CTIF: variants seen among roughly 807,000 people sequenced by gnomAD.
CTIF encodes CBP80/20-dependent translation initiation factor.
A neutral mutation model predicts 66.0 loss-of-function variants in CTIF; 21 were observed. The observed-to-expected ratio is 0.32, with a 90% CI of 0.23 to 0.46. CTIF has a LOEUF of 0.46. Among genes scored for constraint, CTIF ranks in the 20% least tolerant of loss-of-function variants. The probability of loss-of-function intolerance (pLI) is 1.00; values close to 1 mark genes in which losing one functional copy is unlikely to be tolerated. For missense variants in CTIF, 739 were observed against 812.7 expected, an observed-to-expected ratio of 0.91 and a Z score of 1.10; for synonymous variants, 345 against 326.4, an observed-to-expected ratio of 1.06 and a Z score of -0.62.
intron 10 of CTIF, chr18:48,834,711 G>C (rs1455933086): frequency 2.0e-5 from 3 of 152,688 alleles, no homozygotes; most frequent in Non-Finnish European, 4.4e-5. Context: ...ATGAGCCCAG[G>C]GAAAGGCTTC....
At chr18:48,840,622 C>G (rs1399597747) in intron 10 of CTIF, among the ~76,000 whole-genome samples, 1 of 152,244 alleles carries the variant, frequency 6.6e-6, no homozygotes, top group Non-Finnish European at 1.5e-5. Context: ...GCCCTTTTCT[C>G]AGCCCAGGCC....
intron 7 of CTIF, among the ~76,000 whole-genome samples, chr18:48,741,197 G>C (rs185469210): frequency 1.6e-4 from 25 of 152,094 alleles, no homozygotes; most frequent in Admixed American, 1.6e-3. Context: ...CTCTAAGCCA[G>C]TGTCACACAG....
In CTIF at chr18:48,664,470, C is replaced by A. The variant is rs1377639875; in HGVS notation, c.350C>A (p.Pro117Gln). The A allele has an allele frequency of 6.2e-7, 1 of 1,613,630 alleles. No homozygotes were observed. Among genetic ancestry groups the A allele is most frequent in the African/African-American group, 1.3e-5 (1 of 74,930 alleles). The change falls in exon 5 of 12, where the codon CCG (proline) becomes CAG (glutamine). Residue 117 changes from proline to glutamine, a missense_variant. Transcript: ENST00000256413. Reference protein sequence around the residue: ...SFSGATWDLQPEKLDFTQFHR... With the variant: ...SFSGATWDLQQEKLDFTQFHR... ...AGTGGTGCCACCTGGGACCTGCAGC[C>A]GGAAAAGCTGGACTTCACCCAGTTC... is the stretch of plus-strand genomic sequence containing the variant.
At chr18:48,812,812 G>A (rs1354533041) in intron 9 of CTIF, among the ~76,000 whole-genome samples, 3 of 152,018 alleles carry the variant, frequency 2.0e-5, no homozygotes, top group South Asian at 4.1e-4. Context: ...TAAAACTGGG[G>A]CAGGGCAAGG....
At chr18:48,785,098 C>A (rs1238602256) in intron 9 of CTIF, among the ~76,000 whole-genome samples, 1 of 152,216 alleles carries the variant, frequency 6.6e-6, no homozygotes, top group South Asian at 2.1e-4. Flanking sequence ...TTCTCTTTTC[C>A]TACCATCCCA....
chr18:48,770,899 G>T (rs1910044902), intron 9 of CTIF, among the ~76,000 whole-genome samples: 1 of 152,154 alleles, frequency 6.6e-6, no homozygotes, highest in African/African-American at 2.4e-5. Flanking sequence ...TGGGTGCCCT[G>T]CCCTGGTGGG....
At chr18:48,710,159 C>T (rs879774939) in intron 6 of CTIF, among the ~76,000 whole-genome samples, 5 of 152,222 alleles carry the variant, frequency 3.3e-5, no homozygotes, top group Admixed American at 6.5e-5. Flanking sequence ...ACCTGAATCC[C>T]GAGGGCTGCA....
chr18:48,814,190 G>C (rs2068315896), intron 9 of CTIF, among the ~76,000 whole-genome samples: 2 of 152,176 alleles, frequency 1.3e-5, no homozygotes, highest in South Asian at 4.1e-4. Flanking sequence ...TATTTTTAGG[G>C]AATATAAGGA....
intron 3 of CTIF, among the ~76,000 whole-genome samples, chr18:48,653,367 C>T (rs945668577): frequency 1.3e-5 from 2 of 152,158 alleles, no homozygotes; most frequent in African/African-American, 4.8e-5. Context: ...AGTGAACTCC[C>T]ATTCACAATT....
At chr18:48,754,013 A>C (rs1419008360) in intron 7 of CTIF, among the ~76,000 whole-genome samples, 1 of 152,202 alleles carries the variant, frequency 6.6e-6, no homozygotes, top group Non-Finnish European at 1.5e-5. Context: ...ACCGCTGACA[A>C]ATATTTGTGA....
intron 9 of CTIF, among the ~76,000 whole-genome samples, chr18:48,806,851 A>G (rs765878483): frequency 1.3e-5 from 2 of 152,198 alleles, no homozygotes; most frequent in Non-Finnish European, 2.9e-5. Flanking sequence ...TGGCCGGTGC[A>G]GGAAATAGCA....
intron 2 of CTIF, among the ~76,000 whole-genome samples, chr18:48,629,780 G>A (rs1298719012): frequency 6.6e-6 from 1 of 152,092 alleles, no homozygotes; most frequent in Non-Finnish European, 1.5e-5. Flanking sequence ...TGTATTCCTG[G>A]GTGAGTTACT....
chr18:48,763,729 C>T (rs1395744157), intron 9 of CTIF, among the ~76,000 whole-genome samples: 3 of 152,190 alleles, frequency 2.0e-5, no homozygotes, highest in Non-Finnish European at 2.9e-5. Context: ...CAACAGCCTT[C>T]ATCAGTGTAC....
chr18:48,562,650 G>C (rs1383165398), intron 1 of CTIF, among the ~76,000 whole-genome samples: 1 of 152,198 alleles, frequency 6.6e-6, no homozygotes, highest in African/African-American at 2.4e-5. Context: ...AATTGATCCT[G>C]GTTGTTGGGA....
At chr18:48,833,759 C>T (rs550709732) in intron 10 of CTIF, among the ~76,000 whole-genome samples, 2 of 152,326 alleles carry the variant, frequency 1.3e-5, no homozygotes, top group South Asian at 2.1e-4. Flanking sequence ...TTACCTAGAA[C>T]CCCCGAAGCC....
At chr18:48,819,823 T>C (rs932846855) in intron 10 of CTIF, among the ~76,000 whole-genome samples, 3 of 152,340 alleles carry the variant, frequency 2.0e-5, no homozygotes, top group African/African-American at 7.2e-5. Flanking sequence ...CTGTTGTTCA[T>C]CAACTGCACC....
chr18:48,702,665 G>T (rs556173165), intron 6 of CTIF, among the ~76,000 whole-genome samples: 2 of 152,192 alleles, frequency 1.3e-5, no homozygotes, highest in African/African-American at 4.8e-5. Flanking sequence ...TTCAGCTAAG[G>T]TATTGTTTTT....
At chr18:48,640,670 T>C (rs2090911357) in intron 3 of CTIF, among the ~76,000 whole-genome samples, 1 of 152,188 alleles carries the variant, frequency 6.6e-6, no homozygotes, top group Non-Finnish European at 1.5e-5. Flanking sequence ...GGCAGGAAGA[T>C]GCAGAGGTCC....
In CTIF at chr18:48,781,527, G is replaced by A. The variant is rs78603955; in HGVS notation, c.1371+19838G>A. Among the ~76,000 whole-genome samples, 1,256 of 152,302 alleles carry A rather than the reference G, an allele frequency of 8.2e-3. 21 individuals carry two copies. Among genetic ancestry groups the A allele is most frequent in the African/African-American group, 0.026 (1,062 of 41,558 alleles). ...CAGCCCGTTCTCTGTGTATCTGCATGCGTCTGCCGGCGAGGGTGGCTGGAG... is the reference window on the plus strand; with the variant it reads ...CAGCCCGTTCTCTGTGTATCTGCATACGTCTGCCGGCGAGGGTGGCTGGAG... On this transcript the variant is annotated intron_variant, in intron 9 of 11. Coordinates refer to ENST00000256413, the MANE Select transcript of CTIF (RefSeq NM_014772.3).
Sources: gnomAD v4.1 joint callset for allele counts (sites outside exome capture counted in the v4.1 genomes callset) on GRCh38, gnomAD v4.1.1 for gene constraint, MANE v1.5 for transcripts, NCBI Gene and HGNC (gene_info 2026-07-23, HGNC 2026-07-21) for gene names.